Variants in ETFA observed in about 807,000 individuals in gnomAD.
ETFA encodes the protein electron transfer flavoprotein subunit alpha.
ETFA carries 22 observed loss-of-function variants against 46.2 expected under a neutral mutation model. The ratio of observed to expected loss-of-function variants is 0.48; its 90% confidence interval spans 0.34 to 0.68. ETFA has a LOEUF of 0.68. Ranked by LOEUF, ETFA falls within the 30% of genes least tolerant of loss-of-function variation. The probability of loss-of-function intolerance (pLI) is 0.01; values close to 1 mark genes in which losing one functional copy is unlikely to be tolerated. For missense variants in ETFA, 345 were observed against 401.1 expected (o/e 0.86, Z 1.19); for synonymous variants, 131 against 139.9 (o/e 0.94, Z 0.45).
chr15:76,301,482 C>T (rs1250275414), intron 1 of ETFA, among the ~76,000 whole-genome samples: 3 of 152,030 alleles, frequency 2.0e-5, no homozygotes, highest in Non-Finnish European at 4.4e-5. Flanking sequence ...AGGCCGAGGC[C>T]GATGGATCAC....
intron 9 of ETFA, among the ~76,000 whole-genome samples, chr15:76,232,101 C>T (rs1360701780): frequency 6.6e-6 from 1 of 152,088 alleles, no homozygotes; most frequent in Non-Finnish European, 1.5e-5. Context: ...AAAAAGGCCT[C>T]CATACCACAG....
At chr15:76,265,028 G>C (rs552001575) in intron 9 of ETFA, among the ~76,000 whole-genome samples, 1 of 152,304 alleles carries the variant, frequency 6.6e-6, no homozygotes, top group South Asian at 2.1e-4. Context: ...TCAACAAACT[G>C]AGGCATATCC....
chr15:76,299,413 C>T (rs553821912), intron 1 of ETFA, among the ~76,000 whole-genome samples: 2 of 152,230 alleles, frequency 1.3e-5, no homozygotes, highest in East Asian at 1.9e-4. Context: ...CCTCCCAAGT[C>T]GCTGGGACCA....
chr15:76,274,381 T>G, intron 9 of ETFA, 31 bp downstream of exon 9: 1 of 1,505,146 alleles, frequency 6.6e-7, no homozygotes, highest in Non-Finnish European at 9.2e-7. Context: ...CCCATAACAT[T>G]TTACACAGCA....
chr15:76,287,990 G>A (rs1234909685), intron 4 of ETFA, 45 bp from the exon 5 acceptor site: 24 of 1,161,176 alleles, frequency 2.1e-5, no homozygotes, highest in Admixed American at 5.1e-5. Flanking sequence ...ACATAGTGAT[G>A]GAAGACTATA....
intron 8 of ETFA, among the ~76,000 whole-genome samples, chr15:76,276,974 A>G (rs2039599280): frequency 6.6e-6 from 1 of 152,164 alleles, no homozygotes; most frequent in African/African-American, 2.4e-5. Flanking sequence ...TTTACCTTTT[A>G]GTATATCTTG....
chr15:76,243,627 C>T (rs1438177680), intron 9 of ETFA, among the ~76,000 whole-genome samples: 1 of 151,808 alleles, frequency 6.6e-6, no homozygotes, highest in Non-Finnish European at 1.5e-5. Context: ...GGCGAAACCC[C>T]GCCTCTGCTA....
intron 8 of ETFA, among the ~76,000 whole-genome samples, chr15:76,279,400 C>T (rs1481135002): frequency 1.3e-5 from 2 of 152,100 alleles, no homozygotes; most frequent in African/African-American, 4.8e-5. Context: ...CCTCAGCCTC[C>T]CAAGCAGCTG....
intron 9 of ETFA, among the ~76,000 whole-genome samples, chr15:76,246,096 C>A (rs1192174921): frequency 1.3e-5 from 2 of 152,174 alleles, no homozygotes; most frequent in Non-Finnish European, 2.9e-5. Context: ...ATGGCTAATA[C>A]ACAGCACTTA....
At chr15:76,275,305 T>G (rs535071294) in intron 8 of ETFA, among the ~76,000 whole-genome samples, 6 of 152,224 alleles carry the variant, frequency 3.9e-5, no homozygotes, top group Admixed American at 6.5e-5. Flanking sequence ...TATTAAGTTT[T>G]ATTAAAATGT....
At chr15:76,271,747 C>T (rs1251323652) in intron 9 of ETFA, among the ~76,000 whole-genome samples, 2 of 152,154 alleles carry the variant, frequency 1.3e-5, no homozygotes, top group Admixed American at 1.3e-4. Flanking sequence ...CAGCAACTTA[C>T]TCAAATGGCC....
intron 1 of ETFA, among the ~76,000 whole-genome samples, chr15:76,296,695 C>G (rs2039827421): frequency 6.6e-6 from 1 of 152,142 alleles, no homozygotes; most frequent in Admixed American, 6.6e-5. Context: ...AACCAATATC[C>G]AGCCCTATCT....
intron 10 of ETFA, among the ~76,000 whole-genome samples, chr15:76,227,203 G>C (rs1382654376): frequency 6.6e-6 from 1 of 152,032 alleles, no homozygotes; most frequent in Non-Finnish European, 1.5e-5. Context: ...TTCAAGACCA[G>C]CCTGCGCAAC....
chr15:76,242,918 T>C (rs906350189), intron 9 of ETFA, among the ~76,000 whole-genome samples: 1 of 152,168 alleles, frequency 6.6e-6, no homozygotes, highest in Non-Finnish European at 1.5e-5. Flanking sequence ...GGATTTCTAT[T>C]TGGGGTGATG....
At chr15:76,260,680 C>T in intron 9 of ETFA, 3 of 1,597,510 alleles carry the variant, frequency 1.9e-6, no homozygotes, top group Non-Finnish European at 2.6e-6. Flanking sequence ...ATCACTTCTT[C>T]CCACTCCAAG....
intron 9 of ETFA, among the ~76,000 whole-genome samples, chr15:76,237,771 C>A (rs1381108650): frequency 2.0e-5 from 3 of 152,152 alleles, no homozygotes; most frequent in Non-Finnish European, 2.9e-5. Context: ...AGCCAACTGT[C>A]AAAAATTTCA....
At chr15:76,256,684 C>T (rs1229925230) in intron 9 of ETFA, among the ~76,000 whole-genome samples, 2 of 152,202 alleles carry the variant, frequency 1.3e-5, no homozygotes, top group Non-Finnish European at 2.9e-5. Flanking sequence ...ATGAGTGATG[C>T]ACCACATAAC....
Position 76,292,459 on chromosome 15 carries a change from ATGTG to A in ETFA, c.319_322del (p.His107SerfsTer16), listed in dbSNP as rs866218814. Reference sequence around the variant, plus strand: ...TCCGAAGGCAGATGCTCCAGCACAGATGTGTGTGTAATTGAACTGCTTCTGAGTT... The same window carrying A: ...TCCGAAGGCAGATGCTCCAGCACAGATGTGTAATTGAACTGCTTCTGAGTT... On this transcript the variant is annotated frameshift_variant, in exon 4 of 12. Transcript: ENST00000557943. LOFTEE classifies it high-confidence loss of function. The A allele has an allele frequency of 6.2e-6, 10 of 1,613,764 alleles. No individual in the cohort carries two copies. The highest frequency in any genetic ancestry group is 8.5e-6 in the Non-Finnish European group (10 of 1,179,636).
intron 11 of ETFA, among the ~76,000 whole-genome samples, chr15:76,217,020 T>C (rs988933315): frequency 6.6e-6 from 1 of 151,928 alleles, no homozygotes; most frequent in Non-Finnish European, 1.5e-5. Context: ...TATCGTCATG[T>C]TGCCCAGGCT....
Sources: allele counts gnomAD v4.1 joint callset (sites outside exome capture counted in the v4.1 genomes callset), GRCh38; gene constraint gnomAD v4.1.1; transcripts MANE v1.5; gene names NCBI Gene and HGNC (gene_info 2026-07-23, HGNC 2026-07-21).